The following CDH6 variants were observed in gnomAD, a reference collection of about 807,000 sequenced individuals.
The protein encoded by CDH6 is cadherin 6, also known as cadherin-6.
CDH6 carries 31 observed loss-of-function variants against 78.0 expected under a neutral mutation model. The ratio of observed to expected loss-of-function variants is 0.40; its 90% CI spans 0.30 to 0.54. The LOEUF (loss-of-function observed/expected upper bound fraction) is 0.54. Among genes scored for constraint, CDH6 ranks in the 20% least tolerant of loss-of-function variants. The probability of loss-of-function intolerance (pLI) is 0.56; values close to 1 mark genes in which losing one functional copy is unlikely to be tolerated. For synonymous variants in CDH6, 376 were observed against 368.8 expected (o/e 1.02, Z -0.23); for missense variants, 724 against 975.9 (o/e 0.74, Z 3.44).
intron 2 of CDH6, among the ~76,000 whole-genome samples, chr5:31,292,852 C>CATATATATATAT (rs140377309): frequency 0.043 from 374 of 8,748 alleles, 7 homozygotes; most frequent in African/African-American, 0.064. Context: ...TATATGTGTG[C>CATATATATATAT]ATATATATAT....
rs35184792 is a variant in CDH6 at position 31,265,769 on chromosome 5, G to GTTTT, written c.-128-1557_-128-1554dup. 4.0e-3 allele frequency among the ~76,000 whole-genome samples: 310 copies of GTTTT among 78,450 alleles called. 7 individuals are homozygous for GTTTT. The highest frequency in any genetic ancestry group is 6.5e-3 in the African/African-American group (126 of 19,266). The allele number at this position is 78,450 out of a possible 152,430, so 51.5% of individuals were successfully genotyped here. A position where few individuals can be genotyped will look rare whatever the true frequency, so the allele number is the denominator to read the frequency against. ...TGTTGTTAGTATTATTTAAGACAAT[G>GTTTT]TTTTTTTTTTTTTTTTTTTTTTTGA... is the stretch of plus-strand genomic sequence containing the variant. On this transcript the variant is annotated intron_variant, in intron 1 of 11. Coordinates refer to ENST00000265071, the MANE Select transcript of CDH6 (RefSeq NM_004932.4).
intron 2 of CDH6, among the ~76,000 whole-genome samples, chr5:31,283,328 A>G (rs1298568547): frequency 6.6e-6 from 1 of 152,248 alleles, no homozygotes; most frequent in Admixed American, 6.5e-5. Flanking sequence ...ATGAATGTTT[A>G]CAGAACTAAA....
chr5:31,267,603 A>G lies in CDH6; in HGVS notation c.130A>G (p.Ser44Gly), dbSNP rs1441042511. The G allele has an allele frequency of 5.0e-6, 8 of 1,614,204 alleles. No individual in the cohort carries two copies. In the South Asian group the frequency reaches 7.7e-5, roughly 16 times the overall value. Residue 44 changes from serine to glycine, a missense_variant, in exon 2 of 12, where the codon AGC becomes GGC. By Grantham distance (56) the Ser-to-Gly change is moderately conservative. This residue lies in a region of CDH6 where 58 missense variants were observed against 50.8 expected (regional missense o/e 1.14). Coordinates refer to ENST00000265071, the MANE Select transcript of CDH6 (RefSeq NM_004932.4). ...AAGGGCCCTGGAGCTCTCTGGAAAC[A>G]GCAAAAATGAGCTGAACCGTTCAAA... ...KKRALELSGNSKNELNRSKRS... is the reference protein window; with the variant it reads ...KKRALELSGNGKNELNRSKRS...
chr5:31,234,955 C>T (rs1235423333), intron 1 of CDH6, among the ~76,000 whole-genome samples: 1 of 152,174 alleles, frequency 6.6e-6, no homozygotes, highest in Admixed American at 6.5e-5. Context: ...TGTCCCCAAG[C>T]ACTCCATTAT....
chr5:31,219,230 G>C lies in CDH6; in HGVS notation c.-129+25344G>C, dbSNP rs139991855. ...TTACCTGTGTTTTAAAGTCCTACAA[G>C]ATAAGCCATCAGATTTTTTTGACTC... On this transcript the variant is annotated intron_variant, in intron 1 of 11. Transcript: ENST00000265071. 3.3e-5 allele frequency among the ~76,000 whole-genome samples: 5 copies of C among 152,216 alleles called. No homozygotes were observed. In the East Asian group the frequency reaches 9.7e-4, roughly 29 times the overall value.
intron 8 of CDH6, among the ~76,000 whole-genome samples, chr5:31,313,804 G>A (rs1217452006): frequency 6.6e-6 from 1 of 152,002 alleles, no homozygotes; most frequent in Non-Finnish European, 1.5e-5. Flanking sequence ...ACTGTGTGTG[G>A]GGGCAAAAGA....
At chr5:31,212,666 T>G (rs1490345979) in intron 1 of CDH6, among the ~76,000 whole-genome samples, 5 of 152,110 alleles carry the variant, frequency 3.3e-5, no homozygotes, top group Non-Finnish European at 7.4e-5. Context: ...TACTCTAACC[T>G]GTTTGCCGGC....
chr5:31,209,180 T>C (rs1295341179), intron 1 of CDH6, among the ~76,000 whole-genome samples: 2 of 152,204 alleles, frequency 1.3e-5, no homozygotes, highest in African/African-American at 4.8e-5. Flanking sequence ...TTAACATAAG[T>C]GAATTTCCTA....
intron 1 of CDH6, among the ~76,000 whole-genome samples, chr5:31,199,699 ATATATATATATATATATC>A (rs1237825917): frequency 2.3e-5 from 3 of 131,260 alleles, no homozygotes; most frequent in Admixed American, 7.5e-5. Context: ...ATATATATAT[ATATATATATATATATATC>A]TCAAAGATAA....
At chr5:31,236,427 A>G (rs1741456364) in intron 1 of CDH6, among the ~76,000 whole-genome samples, 1 of 152,180 alleles carries the variant, frequency 6.6e-6, no homozygotes, top group Non-Finnish European at 1.5e-5. Context: ...GGGTGGGCAC[A>G]CAATATGAAT....
At chr5:31,222,794 C>A (rs1741037732) in intron 1 of CDH6, among the ~76,000 whole-genome samples, 1 of 152,124 alleles carries the variant, frequency 6.6e-6, no homozygotes, top group African/African-American at 2.4e-5. Flanking sequence ...CTCTATTACA[C>A]TTGGCAAAAA....
chr5:31,239,788 T>A (rs1741548950), intron 1 of CDH6, among the ~76,000 whole-genome samples: 1 of 152,074 alleles, frequency 6.6e-6, no homozygotes, highest in Non-Finnish European at 1.5e-5. Flanking sequence ...ATTAGAAGAG[T>A]CACAGAGGAA....
chr5:31,311,292 C>A (rs1738143462), intron 7 of CDH6, among the ~76,000 whole-genome samples: 1 of 152,220 alleles, frequency 6.6e-6, no homozygotes, highest in Admixed American at 6.5e-5. Context: ...TAGAGCAAAG[C>A]AAGAGTGACC....
At chr5:31,239,404 T>C (rs1314366045) in intron 1 of CDH6, among the ~76,000 whole-genome samples, 2 of 152,242 alleles carry the variant, frequency 1.3e-5, no homozygotes, top group African/African-American at 2.4e-5. Context: ...GGGATACTTC[T>C]GATGCTTACC....
intron 1 of CDH6, among the ~76,000 whole-genome samples, chr5:31,239,073 G>T (rs767053224): frequency 2.0e-5 from 3 of 152,184 alleles, no homozygotes; most frequent in African/African-American, 4.8e-5. Context: ...TCAATGTATC[G>T]TGGCTGTGTG....
At chr5:31,277,522 TTTAA>T (rs1330945597) in intron 2 of CDH6, among the ~76,000 whole-genome samples, 1 of 152,216 alleles carries the variant, frequency 6.6e-6, no homozygotes, top group Non-Finnish European at 1.5e-5. Context: ...GATTTAATTA[TTTAA>T]TTACCCTGAA....
Position 31,233,135 on chromosome 5 carries a change from G to A in CDH6, c.-128-34211G>A, listed in dbSNP as rs549915986. On this transcript the variant is annotated intron_variant, in intron 1 of 11. Coordinates refer to ENST00000265071, the MANE Select transcript of CDH6 (RefSeq NM_004932.4). ...TAAACACACTTATATATGCACATAC[G>A]CCTTCACATGTTACACATCCACACA... Among the ~76,000 whole-genome samples, 121 of 151,874 alleles carry A rather than the reference G, an allele frequency of 8.0e-4. 2 individuals carry two copies. In the South Asian group the frequency reaches 0.015, roughly 19 times the overall value.
At chr5:31,194,076 C>G (rs970401447) in intron 1 of CDH6, among the ~76,000 whole-genome samples, 190 bp downstream of exon 1, 6 of 152,094 alleles carry the variant, frequency 3.9e-5, no homozygotes, top group Admixed American at 2.6e-4. Flanking sequence ...GCGGGCGGCG[C>G]TGCTGCCGCT....
chr5:31,282,353 G>A lies in CDH6; in HGVS notation c.229-11609G>A, dbSNP rs149129018. 7.9e-5 allele frequency among the ~76,000 whole-genome samples: 12 copies of A among 152,002 alleles called. No individual in the cohort carries two copies. The South Asian group carries it at 1.5e-3, about 19-fold the overall frequency. Reference sequence around the variant, plus strand: ...TTCTCAGCTCATGGCGCCTTCCTCCGTCTTCAAGCCCAGAAGCATAGAGAC... The same window carrying A: ...TTCTCAGCTCATGGCGCCTTCCTCCATCTTCAAGCCCAGAAGCATAGAGAC... On this transcript the variant is annotated intron_variant, in intron 2 of 11. Transcript: ENST00000265071.
Sources: gnomAD v4.1 joint callset for allele counts (sites outside exome capture counted in the v4.1 genomes callset) on GRCh38, gnomAD v4.1.1 for gene constraint, gnomAD v4.1.1 regional missense constraint, MANE v1.5 for transcripts, NCBI Gene and HGNC (gene_info 2026-07-23, HGNC 2026-07-21) for gene names.